Variants in CTNNA2 observed in about 807,000 individuals in gnomAD.
CTNNA2 encodes the protein catenin alpha-2.
A neutral mutation model predicts 101.0 loss-of-function variants in CTNNA2; 42 were observed. The observed-to-expected ratio is 0.42, with a 90% CI of 0.32 to 0.54. The LOEUF is 0.54. Among genes scored for constraint, CTNNA2 ranks in the 20% least tolerant of loss-of-function variants. The pLI is 0.14. For missense variants in CTNNA2, 871 were observed against 1,223.1 expected (o/e 0.71, Z 4.29); for synonymous variants, 450 against 456.4 (o/e 0.99, Z 0.18).
chr2:80,632,777 A>C (rs1303826593), intron 18 of CTNNA2, among the ~76,000 whole-genome samples: 1 of 152,210 alleles, frequency 6.6e-6, no homozygotes, highest in East Asian at 1.9e-4. Flanking sequence ...AGAACTTCCC[A>C]AAGGTACCCA....
At chr2:80,519,163 T>G (rs1044544551) in intron 9 of CTNNA2, among the ~76,000 whole-genome samples, 1 of 152,054 alleles carries the variant, frequency 6.6e-6, no homozygotes, top group Non-Finnish European at 1.5e-5. Flanking sequence ...GTGATTTATA[T>G]TATAAAATCA....
intron 4 of CTNNA2, among the ~76,000 whole-genome samples, chr2:79,391,925 T>G (rs928436859): frequency 2.6e-5 from 4 of 152,172 alleles, no homozygotes; most frequent in African/African-American, 7.2e-5. Flanking sequence ...GATGGCCATC[T>G]TGCTGCATCC....
intron 9 of CTNNA2, among the ~76,000 whole-genome samples, chr2:80,466,490 A>C (rs538666103): frequency 1.8e-4 from 28 of 152,340 alleles, no homozygotes; most frequent in African/African-American, 6.7e-4. Flanking sequence ...TTTCTTTAAC[A>C]TACCAAATAA....
At chr2:80,297,917 T>G (rs1176858346) in intron 7 of CTNNA2, among the ~76,000 whole-genome samples, 2 of 152,088 alleles carry the variant, frequency 1.3e-5, no homozygotes, top group Non-Finnish European at 2.9e-5. Context: ...AAGAAAGTAT[T>G]AGGATGATTA....
At chr2:80,473,671 T>G (rs574933918) in intron 9 of CTNNA2, among the ~76,000 whole-genome samples, 106 of 152,292 alleles carry the variant, frequency 7.0e-4, no homozygotes, top group African/African-American at 2.5e-3. Context: ...TTACTAAACT[T>G]TCTCAATCTC....
intron 9 of CTNNA2, among the ~76,000 whole-genome samples, chr2:80,489,110 G>A (rs1686825898): frequency 6.6e-6 from 1 of 152,030 alleles, no homozygotes; most frequent in South Asian, 2.1e-4. Flanking sequence ...GTGATTTTAT[G>A]CTGGTCAGAT....
chr2:80,504,168 C>T (rs970904422), intron 9 of CTNNA2, among the ~76,000 whole-genome samples: 10 of 152,252 alleles, frequency 6.6e-5, no homozygotes, highest in African/African-American at 2.4e-4. Context: ...TCAGTGTTTT[C>T]TTCCAAGCTC....
intron 7 of CTNNA2, among the ~76,000 whole-genome samples, chr2:80,210,097 A>G (rs1035423932): frequency 6.6e-6 from 1 of 152,176 alleles, no homozygotes; most frequent in African/African-American, 2.4e-5. Context: ...TAAATAATTC[A>G]CCCTAAACAC....
chr2:80,030,000 C>A (rs945187090), intron 7 of CTNNA2, among the ~76,000 whole-genome samples: 1 of 151,890 alleles, frequency 6.6e-6, no homozygotes, highest in Non-Finnish European at 1.5e-5. Flanking sequence ...TTGGCTAAGA[C>A]CCCAAGGGGT....
intron 1 of CTNNA2, among the ~76,000 whole-genome samples, chr2:79,577,861 T>G (rs1317277127): frequency 2.0e-5 from 3 of 152,198 alleles, no homozygotes; most frequent in Non-Finnish European, 4.4e-5. Flanking sequence ...TCATTCCCTA[T>G]GTTTAGGAAG....
intron 9 of CTNNA2, among the ~76,000 whole-genome samples, chr2:80,526,491 C>G (rs1690047444): frequency 6.6e-6 from 1 of 151,694 alleles, no homozygotes; most frequent in Non-Finnish European, 1.5e-5. Context: ...CGTCACCACG[C>G]CTGGCTAATT....
At chr2:79,417,760 T>C (rs1271885900) in intron 4 of CTNNA2, among the ~76,000 whole-genome samples, 1 of 152,050 alleles carries the variant, frequency 6.6e-6, no homozygotes, top group Non-Finnish European at 1.5e-5. Context: ...AAAGGTGCCT[T>C]GCGGTTAGGA....
chr2:80,035,884 A>G (rs1255685927), intron 7 of CTNNA2, among the ~76,000 whole-genome samples: 1 of 152,320 alleles, frequency 6.6e-6, no homozygotes, highest in East Asian at 1.9e-4. Context: ...AGCAACCAGC[A>G]TGGTATTGTA....
intron 4 of CTNNA2, among the ~76,000 whole-genome samples, chr2:79,865,403 T>C (rs1681991105): frequency 6.6e-6 from 1 of 152,154 alleles, no homozygotes; most frequent in Non-Finnish European, 1.5e-5. Flanking sequence ...ACTGTAAAAG[T>C]AGACTGTAAC....
chr2:79,299,694 T>C (rs1370718171), intron 2 of CTNNA2, among the ~76,000 whole-genome samples: 1 of 152,200 alleles, frequency 6.6e-6, no homozygotes, highest in East Asian at 1.9e-4. Flanking sequence ...CAAGGTAAAC[T>C]TCTGACCTAA....
chr2:80,239,516 G>GT (rs1020117389), intron 7 of CTNNA2, among the ~76,000 whole-genome samples: 3 of 152,044 alleles, frequency 2.0e-5, no homozygotes, highest in Non-Finnish European at 4.4e-5. Flanking sequence ...ATAGTACACT[G>GT]TTTTTTTTCT....
intron 7 of CTNNA2, among the ~76,000 whole-genome samples, chr2:80,386,770 A>G (rs572260779): frequency 6.6e-6 from 1 of 152,314 alleles, no homozygotes; most frequent in African/African-American, 2.4e-5. Flanking sequence ...GCTACATGAT[A>G]TTTTGAAGAT....
intron 2 of CTNNA2, among the ~76,000 whole-genome samples, chr2:79,743,979 C>G (rs1671473245): frequency 6.6e-6 from 1 of 152,148 alleles, no homozygotes; most frequent in Admixed American, 6.5e-5. Flanking sequence ...TTACAGGGCT[C>G]AGCACTGGAT....
chr2:79,639,672 G>A (rs558893333), intron 1 of CTNNA2, among the ~76,000 whole-genome samples: 262 of 152,046 alleles, frequency 1.7e-3, no homozygotes, highest in African/African-American at 6.0e-3. Flanking sequence ...TATAATTTGA[G>A]GGTTTTCAAT....
Sources: gnomAD v4.1 joint callset for allele counts (sites outside exome capture counted in the v4.1 genomes callset) on GRCh38, gnomAD v4.1.1 for gene constraint, MANE v1.5 for transcripts, NCBI Gene and HGNC (gene_info 2026-07-23, HGNC 2026-07-21) for gene names.